Variants in RHBDD1 observed in about 807,000 individuals in gnomAD.
RHBDD1 encodes rhomboid domain containing 1, also known as rhomboid-related protein 4.
In RHBDD1, 38 loss-of-function variants were observed where a neutral mutation model predicts 36.3. The ratio of observed to expected loss-of-function variants is 1.05; its 90% CI spans 0.81 to 1.37. The LOEUF (loss-of-function observed/expected upper bound fraction) is 1.37, where lower values mean the gene tolerates loss of function less well. Ranked by LOEUF, RHBDD1 falls within the 40% of genes most tolerant of loss-of-function variation. The probability of loss-of-function intolerance (pLI) is 0.00; values close to 1 mark genes in which losing one functional copy is unlikely to be tolerated. For missense variants in RHBDD1, 393 were observed against 377.6 expected (o/e 1.04, Z -0.34); for synonymous variants, 151 against 136.5 (o/e 1.11, Z -0.74).
intron 8 of RHBDD1, among the ~76,000 whole-genome samples, chr2:226,981,987 T>G (rs1955876060): frequency 6.6e-6 from 1 of 152,252 alleles, no homozygotes; most frequent in African/African-American, 2.4e-5. Context: ...CACCCTGGTT[T>G]CCTAAACCAC....
chr2:226,957,706 A>G (rs1951872075), intron 8 of RHBDD1, among the ~76,000 whole-genome samples: 1 of 152,230 alleles, frequency 6.6e-6, no homozygotes, highest in Admixed American at 6.5e-5. Flanking sequence ...AATAACCACA[A>G]GACAGCCCAC....
chr2:226,956,888 C>T (rs906323787), intron 8 of RHBDD1, among the ~76,000 whole-genome samples: 1 of 152,190 alleles, frequency 6.6e-6, no homozygotes, highest in Non-Finnish European at 1.5e-5. Flanking sequence ...AAGGCCAAAT[C>T]AGCCCTTATT....
chr2:226,898,609 T>A (rs1183171592), intron 5 of RHBDD1, among the ~76,000 whole-genome samples: 4 of 152,218 alleles, frequency 2.6e-5, no homozygotes, highest in Non-Finnish European at 4.4e-5. Flanking sequence ...GTATCATGGT[T>A]GAAGGAGGCA....
At chr2:226,836,480 C>T (rs1372763608) in intron 1 of RHBDD1, among the ~76,000 whole-genome samples, 1 of 152,176 alleles carries the variant, frequency 6.6e-6, no homozygotes, top group Non-Finnish European at 1.5e-5. Flanking sequence ...CAGGTGCTCT[C>T]GGGACAGCTT....
chr2:226,891,153 G>A (rs777713984), intron 5 of RHBDD1, among the ~76,000 whole-genome samples: 42 of 152,088 alleles, frequency 2.8e-4, no homozygotes, highest in Admixed American at 7.9e-4. Flanking sequence ...CCTTGGTTTC[G>A]GGCTCTCTCA....
intron 5 of RHBDD1, among the ~76,000 whole-genome samples, chr2:226,868,275 G>C (rs1168819885): frequency 6.6e-6 from 1 of 152,126 alleles, no homozygotes; most frequent in Admixed American, 6.5e-5. Flanking sequence ...CCCTTACAGA[G>C]AAGGACTTGG....
chr2:226,954,905 T>C (rs1951685936), intron 8 of RHBDD1, among the ~76,000 whole-genome samples: 1 of 151,908 alleles, frequency 6.6e-6, no homozygotes, highest in Non-Finnish European at 1.5e-5. Flanking sequence ...TACATGTTCA[T>C]ACACGTATGG....
At chr2:226,942,861 A>T (rs1950753511) in intron 8 of RHBDD1, among the ~76,000 whole-genome samples, 1 of 152,242 alleles carries the variant, frequency 6.6e-6, no homozygotes, top group Non-Finnish European at 1.5e-5. Context: ...ATGTGCTTGC[A>T]TTAAGTGTGC....
chr2:226,891,991 GCCTC>G (rs1946728367), intron 5 of RHBDD1, among the ~76,000 whole-genome samples: 2 of 152,220 alleles, frequency 1.3e-5, no homozygotes, highest in Admixed American at 1.3e-4. Context: ...CACCTCTTGA[GCCTC>G]CACTGGAGGT....
In RHBDD1 at chr2:226,942,990, C is replaced by T. The variant is rs78458595; in HGVS notation, c.856+28639C>T. The stretch of plus-strand genomic sequence containing the variant: ...GCTCTGCCTCTCTTAAACAATCTTA[C>T]AGTTATACCCATTCTCCCATCCATT... On this transcript the variant is annotated intron_variant, in intron 8 of 8. Transcript: ENST00000392062. 1.5e-3 allele frequency among the ~76,000 whole-genome samples: 230 copies of T among 152,314 alleles called. 5 individuals are homozygous for T. In the East Asian group the frequency reaches 0.041, roughly 27 times the overall value.
chr2:226,972,297 A>G (rs987537345), intron 8 of RHBDD1, among the ~76,000 whole-genome samples: 3 of 152,142 alleles, frequency 2.0e-5, no homozygotes, highest in African/African-American at 4.8e-5. Context: ...CATGGTGTAT[A>G]TGTGCCACAT....
intron 5 of RHBDD1, among the ~76,000 whole-genome samples, chr2:226,881,211 T>C (rs1349263662): frequency 2.0e-5 from 3 of 152,122 alleles, no homozygotes; most frequent in African/African-American, 7.2e-5. Flanking sequence ...ATGATTCAGT[T>C]ACCTCCACCT....
chr2:226,800,953 C>G, the RHBDD1 span, among the ~76,000 whole-genome samples: 1 of 152,222 alleles, frequency 6.6e-6, no homozygotes, highest in African/African-American at 2.4e-5. Flanking sequence ...CACAAACAAA[C>G]GCTCCCCAGA....
chr2:226,992,150 A>G (rs553318279), intron 8 of RHBDD1, among the ~76,000 whole-genome samples: 1 of 152,312 alleles, frequency 6.6e-6, no homozygotes, highest in African/African-American at 2.4e-5. Context: ...TATAGAAACA[A>G]TTTGACACAT....
At chr2:226,808,378 T>A in the RHBDD1 span, 2 of 152,222 alleles carry the variant, frequency 1.3e-5, no homozygotes, top group South Asian at 4.1e-4. Flanking sequence ...AACTCTTTTA[T>A]TATGCTCTAG....
intron 5 of RHBDD1, among the ~76,000 whole-genome samples, chr2:226,901,441 T>G (rs1356925375): frequency 1.3e-5 from 2 of 152,230 alleles, no homozygotes; most frequent in African/African-American, 4.8e-5. Flanking sequence ...TATTTTTAGA[T>G]TTTGTAAGGA....
At chr2:226,920,200 G>T (rs889944053) in intron 8 of RHBDD1, among the ~76,000 whole-genome samples, 1 of 151,832 alleles carries the variant, frequency 6.6e-6, no homozygotes, top group African/African-American at 2.4e-5. Context: ...CAGATTGTTT[G>T]CTGTTAGCAT....
At chr2:226,928,362 T>C (rs575886896) in intron 8 of RHBDD1, among the ~76,000 whole-genome samples, 1 of 152,204 alleles carries the variant, frequency 6.6e-6, no homozygotes, top group Non-Finnish European at 1.5e-5. Flanking sequence ...CACAAAACCA[T>C]ATAAATACAT....
chr2:226,820,720 C>T, the RHBDD1 span, among the ~76,000 whole-genome samples: 4,543 of 150,542 alleles, frequency 0.03, 78 homozygotes, highest in Middle Eastern at 0.096. Flanking sequence ...GTCCCAGCTA[C>T]TCAGGTGGTA....
Sources: allele counts gnomAD v4.1 joint callset (sites outside exome capture counted in the v4.1 genomes callset), GRCh38; gene constraint gnomAD v4.1.1; transcripts MANE v1.5; gene names NCBI Gene and HGNC (gene_info 2026-07-23, HGNC 2026-07-21).